OR51D1: variants seen among roughly 807,000 people sequenced by gnomAD.
OR51D1 encodes the protein olfactory receptor 51D1.
For synonymous variants in OR51D1, 187 were observed against 161.1 expected, an observed-to-expected ratio of 1.16 and a Z score of -1.22; for missense variants, 452 against 396.2, an observed-to-expected ratio of 1.14 and a Z score of -1.20.
In OR51D1 at chr11:4,637,685, A is replaced by G. The variant is rs1307287876; in HGVS notation, c.-83A>G. On this transcript the variant is annotated 5_prime_UTR_variant, in exon 1 of 2. Coordinates refer to ENST00000641817, the MANE Select transcript of OR51D1 (RefSeq NM_001004751.3). The stretch of plus-strand genomic sequence containing the variant: ...CTTCAAGCCTGTGAGACCCGTTCCA[A>G]GCTTTGCCTATCCTTTGTCCCAGGA... 6.6e-6 allele frequency: 1 copy of G among 152,296 alleles called. No individual in the cohort carries two copies. The highest frequency in any genetic ancestry group is 1.5e-5 in the Non-Finnish European group (1 of 68,134). 9.4% of individuals were successfully genotyped at this position (152,296 alleles called of 1,614,324 possible).
rs780007309 is a variant in OR51D1 at position 4,640,153 on chromosome 11, A to T, written c.363A>T (p.Ser121=). The change falls in exon 2 of 2, where the codon TCA becomes TCT. Residue 121 remains serine, a synonymous_variant. Transcript: ENST00000641817. ...AGATGTTCCTTATCCATGCTCTGTC[A>T]GCCGTGGAGTCAGCTGTCCTGCTGG... is the stretch of plus-strand genomic sequence containing the variant. ...LAQMFLIHAL[S]AVESAVLLAM... The T allele has an allele frequency of 6.2e-7, 1 of 1,614,242 alleles. No individual in the cohort carries two copies. The highest frequency in any genetic ancestry group is 8.5e-7 in the Non-Finnish European group (1 of 1,180,044).
chr11:4,638,339 A>C (rs1846922182), intron 1 of OR51D1, among the ~76,000 whole-genome samples: 1 of 152,148 alleles, frequency 6.6e-6, no homozygotes, highest in Admixed American at 6.5e-5. Flanking sequence ...TAGGCTATCC[A>C]GGTAGAACTA....
intron 1 of OR51D1, among the ~76,000 whole-genome samples, chr11:4,638,786 GTTTATTTGT>G (rs762297614): frequency 1.3e-5 from 2 of 151,786 alleles, no homozygotes; most frequent in African/African-American, 2.4e-5. Flanking sequence ...TTTTTTGTTT[GTTTATTTGT>G]TTTGTTTTGT....
Position 4,640,974 on chromosome 11 carries a change from T to G in OR51D1, c.*209T>G. The G allele has an allele frequency of 1.9e-6, 1 of 520,086 alleles. No individual in the cohort carries two copies. The highest frequency in any genetic ancestry group is 3.4e-6 in the Non-Finnish European group (1 of 293,530). The allele number at this position is 520,086 out of a possible 1,614,324, so 32.2% of individuals were successfully genotyped here. On this transcript the variant is annotated 3_prime_UTR_variant, in exon 2 of 2. Coordinates refer to ENST00000641817, the MANE Select transcript of OR51D1 (RefSeq NM_001004751.3). The stretch of plus-strand genomic sequence containing the variant: ...TGGAGAATGACTGCACTAGTCCCTC[T>G]GCTATGGTGGTCTTGCCTTCTCCTT...
chr11:4,642,635 G>A lies in OR51D1; in HGVS notation c.*1870G>A, dbSNP rs903154924. 3 of 151,156 alleles carry A rather than the reference G, an allele frequency of 2.0e-5. No homozygotes were observed. The highest frequency in any genetic ancestry group is 7.3e-5 in the African/African-American group (3 of 41,032). 9.4% of individuals were successfully genotyped at this position (151,156 alleles called of 1,614,324 possible). A position where few individuals can be genotyped will look rare whatever the true frequency, so the allele number is the denominator to read the frequency against. ...CTGGGAAAGCAAGGGTGGAGGGGAA[G>A]CCAGTCAATCTCCCTTCTGTTGCCG... On this transcript the variant is annotated 3_prime_UTR_variant, in exon 2 of 2. Coordinates refer to ENST00000641817, the MANE Select transcript of OR51D1 (RefSeq NM_001004751.3).
rs978530479 is a variant in OR51D1, at chr11:4,640,701, A to G, written c.911A>G (p.Tyr304Cys). The G allele has an allele frequency of 4.3e-6, 7 of 1,613,642 alleles. No homozygotes were observed. The African/African-American group carries it at 6.7e-5, about 15-fold the overall frequency. ...LLPPVVNPLV[Y>C]GAKTKEICSR... ...CCACCTGTAGTCAACCCCCTTGTCT[A>G]TGGAGCCAAGACCAAAGAGATCTGT... The change falls in exon 2 of 2, where the codon TAT becomes TGT. Residue 304 changes from tyrosine to cysteine, a missense_variant. Physicochemically the swap from Tyr to Cys is radical, Grantham distance 194. Coordinates refer to ENST00000641817, the MANE Select transcript of OR51D1 (RefSeq NM_001004751.3).
chr11:4,639,710 T>C, intron 1 of OR51D1, 67 bp from the exon 2 acceptor site: 2 of 1,466,734 alleles, frequency 1.4e-6, no homozygotes, highest in Non-Finnish European at 1.9e-6. Flanking sequence ...CTTTTCCTCA[T>C]TAGTCCTTTC....
chr11:4,640,462 T>A lies in OR51D1; in HGVS notation c.672T>A (p.Ser224=). The part of the protein sequence containing the change: ...FIILSVMGVD[S]LFIGFSYILI... ...TCCTCTCAGTCATGGGTGTGGACTCTCTCTTCATTGGCTTCTCATATATCC... is the reference window on the plus strand; with the variant it reads ...TCCTCTCAGTCATGGGTGTGGACTCACTCTTCATTGGCTTCTCATATATCC... The change falls in exon 2 of 2, where the codon TCT becomes TCA. Residue 224 remains serine (S), a synonymous_variant. Coordinates refer to ENST00000641817, the MANE Select transcript of OR51D1 (RefSeq NM_001004751.3). The A allele has an allele frequency of 6.2e-7, 1 of 1,614,150 alleles. No homozygotes were observed. The highest frequency in any genetic ancestry group is 2.2e-5 in the East Asian group (1 of 44,878).
chr11:4,639,934 T>A lies in OR51D1; in HGVS notation c.144T>A (p.Tyr48Ter), dbSNP rs1322426921. ...FWLAFPLCFM[Y>*]ALATLGNLTI... Reference sequence around the variant, plus strand: ...TGGCTTTCCCACTGTGTTTTATGTATGCCTTGGCCACCCTGGGTAACCTGA... The same window carrying A: ...TGGCTTTCCCACTGTGTTTTATGTAAGCCTTGGCCACCCTGGGTAACCTGA... The change falls in exon 2 of 2, where the codon TAT becomes TAA. Residue 48 changes from tyrosine (Y) to a stop codon, truncating the protein, a stop_gained. Coordinates refer to ENST00000641817, the MANE Select transcript of OR51D1 (RefSeq NM_001004751.3). LOFTEE classifies it high-confidence loss of function. 2 of 1,614,082 alleles carry A rather than the reference T, an allele frequency of 1.2e-6. No homozygotes were observed. Among genetic ancestry groups the A allele is most frequent in the Non-Finnish European group, 8.5e-7 (1 of 1,180,040 alleles).
In OR51D1 at chr11:4,640,143, A is replaced by C. The variant is rs141786655; in HGVS notation, c.353A>C (p.His118Pro). 727 of 1,614,190 alleles carry C rather than the reference A, an allele frequency of 4.5e-4. 1 individual carries two copies. The highest frequency in any genetic ancestry group is 5.7e-4 in the Non-Finnish European group (675 of 1,180,030). The stretch of plus-strand genomic sequence containing the variant: ...TGCCTGGCCCAGATGTTCCTTATCC[A>C]TGCTCTGTCAGCCGTGGAGTCAGCT... ...NICLAQMFLI[H>P]ALSAVESAVL... is the part of the protein sequence containing the mutation. Residue 118 changes from histidine to proline, a missense_variant, in exon 2 of 2, where the codon CAT becomes CCT. His to Pro is a moderately conservative substitution (Grantham distance 77). Coordinates refer to ENST00000641817, the MANE Select transcript of OR51D1 (RefSeq NM_001004751.3).
intron 1 of OR51D1, among the ~76,000 whole-genome samples, chr11:4,639,321 C>G (rs1846932990): frequency 6.6e-6 from 1 of 152,204 alleles, no homozygotes; most frequent in African/African-American, 2.4e-5. Context: ...TTAAAGTCAG[C>G]TGTAGACTGA....
chr11:4,640,676 C>T lies in OR51D1; in HGVS notation c.886C>T (p.Pro296Ser). The change falls in exon 2 of 2, where the codon CCA becomes TCA. Residue 296 changes from proline (P) to serine (S), a missense_variant. Physicochemically the swap from Pro to Ser is moderately conservative, Grantham distance 74. Coordinates refer to ENST00000641817, the MANE Select transcript of OR51D1 (RefSeq NM_001004751.3). ...VVMANTYLLLPPVVNPLVYGA... is the reference protein window; with the variant it reads ...VVMANTYLLLSPVVNPLVYGA... The stretch of plus-strand genomic sequence containing the variant: ...TATGGCTAATACCTACTTGCTGCTA[C>T]CACCTGTAGTCAACCCCCTTGTCTA... The T allele has an allele frequency of 2.5e-6, 4 of 1,613,966 alleles. No homozygotes were observed. Among genetic ancestry groups the T allele is most frequent in the Non-Finnish European group, 3.4e-6 (4 of 1,179,994 alleles).
intron 1 of OR51D1, 148 bp downstream of exon 1, chr11:4,637,901 C>G (rs1448740474): frequency 6.5e-6 from 1 of 152,902 alleles, no homozygotes; most frequent in Non-Finnish European, 1.5e-5. Context: ...TAGAGGAACA[C>G]TGTGAAGGGC....
chr11:4,640,852 A>G lies in OR51D1; in HGVS notation c.*87A>G, dbSNP rs1846960551. On this transcript the variant is annotated 3_prime_UTR_variant, in exon 2 of 2. Transcript: ENST00000641817. ...AATGCCTTGGTGATTAAAGTATCAA[A>G]CCTATTGTGCTGTCTTCTTCCAGCA... The G allele has an allele frequency of 2.3e-6, 3 of 1,286,110 alleles. No homozygotes were observed. The highest frequency in any genetic ancestry group is 3.2e-6 in the Non-Finnish European group (3 of 929,906). 79.7% of individuals were successfully genotyped at this position (1,286,110 alleles called of 1,614,324 possible). A position where few individuals can be genotyped will look rare whatever the true frequency, so the allele number is the denominator to read the frequency against.
rs1442322899 is a variant in OR51D1 at position 4,640,835 on chromosome 11, G to C, written c.*70G>C. 7.1e-7 allele frequency: 1 copy of C among 1,403,474 alleles called. No individual in the cohort carries two copies. Among genetic ancestry groups the C allele is most frequent in the Non-Finnish European group, 9.7e-7 (1 of 1,031,218 alleles). The allele number at this position is 1,403,474 out of a possible 1,614,324, so 86.9% of individuals were successfully genotyped here. ...ATATTAGGATCCTATTGAATGCCTT[G>C]GTGATTAAAGTATCAAACCTATTGT... On this transcript the variant is annotated 3_prime_UTR_variant, in exon 2 of 2. Transcript: ENST00000641817.
intron 1 of OR51D1, among the ~76,000 whole-genome samples, chr11:4,638,002 T>C (rs907201076): frequency 1.3e-5 from 2 of 152,192 alleles, no homozygotes; most frequent in Non-Finnish European, 2.9e-5. Flanking sequence ...GCCCCAGGTG[T>C]CCAGTTTTGC....
In OR51D1 at chr11:4,640,617, G is replaced by A. The variant is rs1022891336; in HGVS notation, c.827G>A (p.Arg276Lys). 2 of 1,586,722 alleles carry A rather than the reference G, an allele frequency of 1.3e-6. No homozygotes were observed. The highest frequency in any genetic ancestry group is 1.7e-6 in the Non-Finnish European group (2 of 1,168,278). ...VPLIGLSVVHRLGGPTSLLHV... is the reference protein window; with the variant it reads ...VPLIGLSVVHKLGGPTSLLHV... ...CTCATTGGGCTCTCGGTGGTGCATAGGCTGGGTGGTCCCACCTCCCTCCTC... is the reference window on the plus strand; with the variant it reads ...CTCATTGGGCTCTCGGTGGTGCATAAGCTGGGTGGTCCCACCTCCCTCCTC... Residue 276 changes from arginine (R) to lysine (K), a missense_variant, in exon 2 of 2, where the codon AGG becomes AAG. By Grantham distance (26) the Arg-to-Lys change is conservative. Transcript: ENST00000641817.
rs755317005 is a variant in OR51D1 at position 4,639,909 on chromosome 11, T to G, written c.119T>G (p.Leu40Arg). ...PGLGPTIHFW[L>R]AFPLCFMYAL... Reference sequence around the variant, plus strand: ...CTGGGGCCTACCATACACTTTTGGCTGGCTTTCCCACTGTGTTTTATGTAT... The same window carrying G: ...CTGGGGCCTACCATACACTTTTGGCGGGCTTTCCCACTGTGTTTTATGTAT... The change falls in exon 2 of 2, where the codon CTG becomes CGG. Residue 40 changes from leucine to arginine, a missense_variant. Coordinates refer to ENST00000641817, the MANE Select transcript of OR51D1 (RefSeq NM_001004751.3). 1.2e-6 allele frequency: 2 copies of G among 1,614,108 alleles called. No individual in the cohort carries two copies. Among genetic ancestry groups the G allele is most frequent in the African/African-American group, 2.7e-5 (2 of 74,948 alleles).
Position 4,642,611 on chromosome 11 carries a change from T to C in OR51D1, c.*1846T>C, listed in dbSNP as rs377484941. 1 of 147,304 alleles carries C rather than the reference T, an allele frequency of 6.8e-6. No homozygotes were observed. The highest frequency in any genetic ancestry group is 2.0e-4 in the East Asian group (1 of 4,970). The allele number at this position is 147,304 out of a possible 1,614,324, so 9.1% of individuals were successfully genotyped here. ...TGTAGGGAGTTTCTCCTAATCCCTC[T>C]GGGAAAGCAAGGGTGGAGGGGAAGC... On this transcript the variant is annotated 3_prime_UTR_variant, in exon 2 of 2. Transcript: ENST00000641817.
Sources: allele counts gnomAD v4.1 joint callset (sites outside exome capture counted in the v4.1 genomes callset), GRCh38; gene constraint gnomAD v4.1.1; transcripts MANE v1.5; gene names NCBI Gene and HGNC (gene_info 2026-07-23, HGNC 2026-07-21).